SDK2: variants seen among roughly 807,000 people sequenced by gnomAD.
The protein encoded by SDK2 is protein sidekick-2.
A neutral mutation model predicts 253.9 loss-of-function variants in SDK2; 105 were observed. The ratio of observed to expected loss-of-function variants is 0.41; its 90% CI spans 0.35 to 0.49. SDK2 has a LOEUF of 0.49. Ranked by LOEUF, SDK2 falls within the 20% of genes least tolerant of loss-of-function variation. The pLI is 0.06. For synonymous variants in SDK2, 1,249 were observed against 1,234.9 expected, an observed-to-expected ratio of 1.01 and a Z score of -0.24; for missense variants, 2,608 against 3,003.0, an observed-to-expected ratio of 0.87 and a Z score of 3.07.
chr17:73,425,250 A>G (rs2145594383), intron 12 of SDK2, among the ~76,000 whole-genome samples: 1 of 152,346 alleles, frequency 6.6e-6, no homozygotes, highest in Non-Finnish European at 1.5e-5. Context: ...CCCAAAAAAC[A>G]GAAGCAGAAC....
At chr17:73,456,161 C>T (rs2145662488) in intron 3 of SDK2, 108 bp from the exon 4 acceptor site, 2 of 1,247,442 alleles carry the variant, frequency 1.6e-6, no homozygotes, top group East Asian at 5.6e-5. Context: ...TCGGGGCAGA[C>T]AGGATGACCA....
Position 73,465,878 on chromosome 17 carries a change from G to C in SDK2, c.331+6234C>G, listed in dbSNP as rs1427684348. ...AGACAGGAACAGCCAAGGAGGGGAG[G>C]GGCATTTGGGAAAAGTGACCATACC... On this transcript the variant is annotated intron_variant, in intron 3 of 44. Transcript: ENST00000392650. This position sits in a 1 kb window ranked among gnomAD's most constrained non-coding sequence, Gnocchi z 4.2. Among the ~76,000 whole-genome samples, 1 of 152,100 alleles carries C rather than the reference G, an allele frequency of 6.6e-6. No individual in the cohort carries two copies. The highest frequency in any genetic ancestry group is 1.9e-4 in the East Asian group (1 of 5,174).
At chr17:73,556,614 G>A (rs2045148200) in intron 1 of SDK2, among the ~76,000 whole-genome samples, 1 of 152,166 alleles carries the variant, frequency 6.6e-6, no homozygotes, top group Non-Finnish European at 1.5e-5. Context: ...ATTCTTATGC[G>A]GCTGTTGGCA....
chr17:73,595,506 C>T (rs1175824981), intron 1 of SDK2, among the ~76,000 whole-genome samples: 2 of 152,130 alleles, frequency 1.3e-5, no homozygotes, highest in Non-Finnish European at 2.9e-5. Flanking sequence ...TGGAGGGGAC[C>T]CAGCCTCGGG....
chr17:73,378,102 T>A (rs75335800), intron 36 of SDK2, among the ~76,000 whole-genome samples: 4,082 of 152,222 alleles, frequency 0.027, 84 homozygotes, highest in Non-Finnish European at 0.041. Flanking sequence ...AATCTAGAAA[T>A]GATTTTTTTC....
At chr17:73,368,761 G>C (rs1030542066) in intron 36 of SDK2, among the ~76,000 whole-genome samples, 168 bp from the exon 37 acceptor site, 3 of 152,158 alleles carry the variant, frequency 2.0e-5, no homozygotes, top group African/African-American at 7.2e-5. Context: ...TGTAATCCCA[G>C]CACTTTGGGA....
chr17:73,352,890 G>A lies in SDK2; in HGVS notation c.5594-253C>T, dbSNP rs181510620. Among the ~76,000 whole-genome samples, 68 of 152,280 alleles carry A rather than the reference G, an allele frequency of 4.5e-4. No homozygotes were observed. Among genetic ancestry groups the A allele is most frequent in the African/African-American group, 1.5e-3 (63 of 41,562 alleles). On this transcript the variant is annotated intron_variant, in intron 40 of 44. Coordinates refer to ENST00000392650, the MANE Select transcript of SDK2 (RefSeq NM_001144952.2). This position sits in a 1 kb window ranked among gnomAD's most constrained non-coding sequence, Gnocchi z 4.1. ...GTGGATCACCTGAGGTTAGGAGTTC[G>A]AGACCAGCCTAGCCAACATGGTGAA...
At chr17:73,555,005 G>C (rs977096697) in intron 1 of SDK2, among the ~76,000 whole-genome samples, 34 of 152,344 alleles carry the variant, frequency 2.2e-4, no homozygotes, top group Non-Finnish European at 4.0e-4. Context: ...GACTGGCTGG[G>C]GACCAGGCTG....
In SDK2 at chr17:73,361,652, T is replaced by G. The variant is rs2062641233; in HGVS notation, c.5467+32A>C. The G allele has an allele frequency of 1.3e-6, 2 of 1,595,744 alleles. No individual in the cohort carries two copies. The highest frequency in any genetic ancestry group is 3.4e-5 in the Admixed American group (2 of 59,666). ...TGACTGGGGACGCTGAACCGCCGTG[T>G]GGAAGACATGCCTGGTCCGTTGCTC... On this transcript the variant is annotated intron_variant, in intron 39 of 44. Coordinates refer to ENST00000392650, the MANE Select transcript of SDK2 (RefSeq NM_001144952.2). The surrounding 1 kb of genome is among the most constrained non-coding windows in gnomAD (Gnocchi z 4.1).
At chr17:73,349,125 G>A (rs1330472519) in intron 43 of SDK2, among the ~76,000 whole-genome samples, 1 of 152,166 alleles carries the variant, frequency 6.6e-6, no homozygotes, top group Non-Finnish European at 1.5e-5. Flanking sequence ...GGAAGGTGAG[G>A]CCACGTGTGA....
chr17:73,490,546 T>C (rs975368753), intron 2 of SDK2, among the ~76,000 whole-genome samples: 2 of 118,172 alleles, frequency 1.7e-5, no homozygotes, highest in African/African-American at 6.5e-5. Flanking sequence ...TTTTTTGAGA[T>C]GGGTTTTTTT....
Position 73,533,115 on chromosome 17 carries a change from C to T in SDK2, c.65-25518G>A, listed in dbSNP as rs1412536680. ...CCTCTGTGTAACCCTCATGCCCCTA[C>T]GGGACGCAGGCAGTGCAGCGCTCCA... On this transcript the variant is annotated intron_variant, in intron 1 of 44. Coordinates refer to ENST00000392650, the MANE Select transcript of SDK2 (RefSeq NM_001144952.2). Among the ~76,000 whole-genome samples the T allele has an allele frequency of 3.9e-5, 6 of 152,336 alleles. No individual in the cohort carries two copies. The South Asian group carries it at 6.2e-4, about 16-fold the overall frequency.
chr17:73,551,569 T>C (rs916301284), intron 1 of SDK2, among the ~76,000 whole-genome samples: 6 of 152,126 alleles, frequency 3.9e-5, no homozygotes, highest in Non-Finnish European at 1.5e-5. Flanking sequence ...TCCACCTTTT[T>C]CTCAACCTAA....
chr17:73,577,654 T>C (rs1289879095), intron 1 of SDK2, among the ~76,000 whole-genome samples: 1 of 152,186 alleles, frequency 6.6e-6, no homozygotes, highest in East Asian at 1.9e-4. Flanking sequence ...AGACCATCTC[T>C]ACCTGGGCGT....
chr17:73,635,927 C>A (rs544573467), intron 1 of SDK2, among the ~76,000 whole-genome samples: 3 of 152,066 alleles, frequency 2.0e-5, no homozygotes, highest in Non-Finnish European at 2.9e-5. Context: ...AGGACACAGC[C>A]AGGGTGGAGG....
intron 1 of SDK2, among the ~76,000 whole-genome samples, chr17:73,603,693 G>C (rs534254002): frequency 1.3e-5 from 2 of 152,246 alleles, no homozygotes; most frequent in African/African-American, 4.8e-5. Context: ...CGCTACTAGA[G>C]AAGACATATT....
chr17:73,465,838 C>T lies in SDK2; in HGVS notation c.331+6274G>A, dbSNP rs1295133658. On this transcript the variant is annotated intron_variant, in intron 3 of 44. Coordinates refer to ENST00000392650, the MANE Select transcript of SDK2 (RefSeq NM_001144952.2). This position sits in a 1 kb window ranked among gnomAD's most constrained non-coding sequence, Gnocchi z 4.2. ...GGCTGCTTAGGGCCCCAGGACAAGCCCTTGTCACCCCAGGAGACAGGAACA... is the reference window on the plus strand; with the variant it reads ...GGCTGCTTAGGGCCCCAGGACAAGCTCTTGTCACCCCAGGAGACAGGAACA... Among the ~76,000 whole-genome samples the T allele has an allele frequency of 6.6e-6, 1 of 152,066 alleles. No homozygotes were observed. The highest frequency in any genetic ancestry group is 1.5e-5 in the Non-Finnish European group (1 of 68,012).
chr17:73,498,545 C>T (rs1205236299), intron 2 of SDK2, among the ~76,000 whole-genome samples: 2 of 152,222 alleles, frequency 1.3e-5, no homozygotes, highest in Non-Finnish European at 2.9e-5. Context: ...CAAATGCTGG[C>T]ATCTCCTGCT....
chr17:73,432,729 C>G (rs1461920770), intron 10 of SDK2, among the ~76,000 whole-genome samples: 2 of 151,752 alleles, frequency 1.3e-5, no homozygotes, highest in Non-Finnish European at 2.9e-5. Flanking sequence ...CACCTCTGAG[C>G]TGGGGCTTGC....
Sources: allele counts gnomAD v4.1 joint callset (sites outside exome capture counted in the v4.1 genomes callset), GRCh38; gene constraint gnomAD v4.1.1; non-coding constraint Gnocchi (gnomAD v3.1); transcripts MANE v1.5; gene names NCBI Gene and HGNC (gene_info 2026-07-23, HGNC 2026-07-21).